The following NNT variants were observed in gnomAD, a reference collection of about 807,000 sequenced individuals.
NNT encodes the protein NAD(P) transhydrogenase, mitochondrial.
NNT carries 50 observed loss-of-function variants against 104.8 expected under a neutral mutation model. The ratio of observed to expected loss-of-function variants is 0.48; its 90% CI spans 0.38 to 0.60. NNT has a LOEUF of 0.60. Among genes scored for constraint, NNT ranks in the 20% least tolerant of loss-of-function variants. NNT has a pLI of 0.00. For missense variants in NNT, 1,131 were observed against 1,330.7 expected, an observed-to-expected ratio of 0.85 and a Z score of 2.33; for synonymous variants, 461 against 490.4, an observed-to-expected ratio of 0.94 and a Z score of 0.79.
intron 19 of NNT, among the ~76,000 whole-genome samples, chr5:43,693,031 A>G (rs1304358871): frequency 6.6e-6 from 1 of 151,334 alleles, no homozygotes; most frequent in Admixed American, 6.6e-5. Context: ...ATACTTAAGT[A>G]AGCTTTATTT....
At chr5:43,610,775 T>A (rs1445043334) in intron 2 of NNT, among the ~76,000 whole-genome samples, 1 of 152,200 alleles carries the variant, frequency 6.6e-6, no homozygotes, top group Non-Finnish European at 1.5e-5. Flanking sequence ...ATTATCCTGG[T>A]GATAAAATTG....
chr5:43,620,228 CTT>C (rs201522385), intron 5 of NNT, among the ~76,000 whole-genome samples: 5 of 151,400 alleles, frequency 3.3e-5, no homozygotes, highest in African/African-American at 1.2e-4. Context: ...GCTTCCTGCT[CTT>C]TTTTTTTGAG....
chr5:43,693,061 GT>G (rs1742373443), intron 19 of NNT, among the ~76,000 whole-genome samples: 1 of 149,186 alleles, frequency 6.7e-6, no homozygotes, highest in Non-Finnish European at 1.5e-5. Context: ...TTCTGGATCT[GT>G]TATCTTTTTC....
intron 19 of NNT, among the ~76,000 whole-genome samples, chr5:43,694,481 T>C (rs1054670417): frequency 6.6e-6 from 1 of 152,240 alleles, no homozygotes; most frequent in African/African-American, 2.4e-5. Flanking sequence ...TGAGAGTTTT[T>C]AACATGAAGG....
intron 5 of NNT, among the ~76,000 whole-genome samples, chr5:43,622,551 A>T (rs1464363611): frequency 6.6e-6 from 1 of 152,308 alleles, no homozygotes; most frequent in South Asian, 2.1e-4. Context: ...CACAGGCCTG[A>T]GCCACCTGCC....
At chr5:43,615,097 A>G (rs543324687) in intron 3 of NNT, among the ~76,000 whole-genome samples, 2 of 152,106 alleles carry the variant, frequency 1.3e-5, no homozygotes, top group African/African-American at 4.8e-5. Flanking sequence ...AGATTGCGCC[A>G]CTGCAGTCCG....
At chr5:43,610,657 CTCTTT>C (rs909987244) in intron 2 of NNT, among the ~76,000 whole-genome samples, 44 of 152,098 alleles carry the variant, frequency 2.9e-4, no homozygotes, top group African/African-American at 9.4e-4. Context: ...ATTTTATAGC[CTCTTT>C]TCTTGTTCTC....
At chr5:43,653,862 T>C (rs1739900335) in intron 14 of NNT, among the ~76,000 whole-genome samples, 1 of 151,690 alleles carries the variant, frequency 6.6e-6, no homozygotes, top group South Asian at 2.1e-4. Flanking sequence ...GGCTGAAGCA[T>C]GATAATCGCT....
intron 7 of NNT, among the ~76,000 whole-genome samples, chr5:43,629,436 CAT>C (rs1750559254): frequency 6.6e-6 from 1 of 152,162 alleles, no homozygotes. Flanking sequence ...CTGCTATAAA[CAT>C]GTGTATGCAA....
intron 7 of NNT, among the ~76,000 whole-genome samples, chr5:43,637,855 C>T (rs1280779984): frequency 1.3e-5 from 2 of 152,156 alleles, no homozygotes; most frequent in Non-Finnish European, 2.9e-5. Context: ...TCGGCTTACA[C>T]CTGGATTTCT....
In NNT at chr5:43,620,288, C is replaced by T. The variant is rs990871655; in HGVS notation, c.687+1169C>T. On this transcript the variant is annotated intron_variant, in intron 5 of 21. Coordinates refer to ENST00000344920, the MANE Select transcript of NNT (RefSeq NM_182977.3). The stretch of plus-strand genomic sequence containing the variant: ...AGACTGGAGTGCAGTGGCATGATCT[C>T]GGCTCACTGCAAGCTCCACCTCCCG... Among the ~76,000 whole-genome samples the T allele has an allele frequency of 5.9e-5, 9 of 151,874 alleles. No homozygotes were observed. The South Asian group carries it at 1.0e-3, about 18-fold the overall frequency.
At chr5:43,667,810 T>TA (rs201929891) in intron 17 of NNT, among the ~76,000 whole-genome samples, 10,081 of 152,240 alleles carry the variant, frequency 0.066, 561 homozygotes, top group African/African-American at 0.15. Context: ...GGTCAAATGG[T>TA]ATTTCTAGTT....
chr5:43,616,947 TA>T (rs1422510234), intron 4 of NNT, among the ~76,000 whole-genome samples: 1 of 152,126 alleles, frequency 6.6e-6, no homozygotes, highest in African/African-American at 2.4e-5. Flanking sequence ...ATAACCTTTT[TA>T]AAAAAACAGT....
intron 5 of NNT, 142 bp from the exon 6 acceptor site, chr5:43,623,890 C>T: frequency 1.3e-6 from 1 of 774,018 alleles, no homozygotes. Context: ...CATACAGTTA[C>T]TAAGGGCTGA....
intron 5 of NNT, among the ~76,000 whole-genome samples, chr5:43,620,364 C>T (rs548432138): frequency 2.5e-4 from 38 of 152,088 alleles, no homozygotes; most frequent in South Asian, 6.2e-4. Flanking sequence ...GGACTATGGG[C>T]GCCGGCCACC....
At chr5:43,691,070 A>AGAGAGAGAGAGTGT (rs1245517310) in intron 19 of NNT, among the ~76,000 whole-genome samples, 171 of 137,502 alleles carry the variant, frequency 1.2e-3, no homozygotes, top group African/African-American at 4.6e-3. Flanking sequence ...TTTTTGAGAG[A>AGAGAGAGAGAGTGT]GTGTGTGTGT....
rs1204550443 is a variant in NNT, at chr5:43,705,198, A to G, written c.*794A>G. On this transcript the variant is annotated 3_prime_UTR_variant, in exon 22 of 22. Transcript: ENST00000344920. ...ATTAAGTGCACTTGAGTGGAATTCA[A>G]CATTTGACTAATAAAATGAGTTCAT... 4 of 152,294 alleles carry G rather than the reference A, an allele frequency of 2.6e-5. No homozygotes were observed. The highest frequency in any genetic ancestry group is 5.9e-5 in the Non-Finnish European group (4 of 67,990). 9.4% of individuals were successfully genotyped at this position (152,294 alleles called of 1,614,324 possible).
intron 5 of NNT, among the ~76,000 whole-genome samples, chr5:43,619,744 G>A (rs1289198780): frequency 6.6e-6 from 1 of 152,166 alleles, no homozygotes; most frequent in African/African-American, 2.4e-5. Context: ...TCCATTTTGT[G>A]TTACTAAAAG....
In NNT at chr5:43,677,797, A is replaced by G. The variant is rs1254037911; in HGVS notation, c.2867A>G (p.Lys956Arg). ...GTAAAGATGCTCACTGAGCAAGGCA[A>G]AAAAGTCAGGTAAGCGTTTGCAGTG... ...DLVKMLTEQG[K>R]KVRFGIHPVA... The change falls in exon 19 of 22, where the codon AAA (lysine) becomes AGA (arginine). Residue 956 changes from lysine (K) to arginine (R), a missense_variant. Physicochemically the swap from Lys to Arg is conservative, Grantham distance 26. Transcript: ENST00000344920. 4.3e-6 allele frequency: 7 copies of G among 1,613,444 alleles called. No individual in the cohort carries two copies. The Admixed American group carries it at 1.2e-4, about 27-fold the overall frequency.
Sources: gnomAD v4.1 joint callset for allele counts (sites outside exome capture counted in the v4.1 genomes callset) on GRCh38, gnomAD v4.1.1 for gene constraint, MANE v1.5 for transcripts, NCBI Gene and HGNC (gene_info 2026-07-23, HGNC 2026-07-21) for gene names.